The following CNTNAP2 variants were observed in gnomAD, a reference collection of about 807,000 sequenced individuals.
The protein encoded by CNTNAP2 is contactin associated protein 2.
A neutral mutation model predicts 155.2 loss-of-function variants in CNTNAP2; 98 were observed. The observed-to-expected ratio is 0.63, with a 90% CI of 0.54 to 0.75. The LOEUF is 0.75. Among genes scored for constraint, CNTNAP2 ranks in the 30% least tolerant of loss-of-function variants. The probability of loss-of-function intolerance (pLI) is 0.00; values close to 1 mark genes in which losing one functional copy is unlikely to be tolerated. For synonymous variants in CNTNAP2, 651 were observed against 631.2 expected (o/e 1.03, Z -0.47); for missense variants, 1,727 against 1,688.1 (o/e 1.02, Z -0.40).
intron 14 of CNTNAP2, among the ~76,000 whole-genome samples, chr7:147,970,305 C>G (rs906356472): frequency 1.3e-5 from 2 of 152,078 alleles, no homozygotes; most frequent in Non-Finnish European, 2.9e-5. Context: ...TTAGTGTAAG[C>G]CATTAGTAAA....
chr7:146,779,399 G>A (rs1212610744), intron 2 of CNTNAP2, among the ~76,000 whole-genome samples: 6 of 152,096 alleles, frequency 3.9e-5, no homozygotes, highest in African/African-American at 1.4e-4. Flanking sequence ...ACAGGGAGAG[G>A]GACACAAATC....
At chr7:148,257,774 GT>G (rs1277343823) in intron 20 of CNTNAP2, among the ~76,000 whole-genome samples, 2 of 152,168 alleles carry the variant, frequency 1.3e-5, no homozygotes, top group East Asian at 3.9e-4. Flanking sequence ...CATCGATGTG[GT>G]CTGGGAGGAT....
At chr7:147,494,916 CAA>C (rs1798676630) in intron 11 of CNTNAP2, among the ~76,000 whole-genome samples, 1 of 152,086 alleles carries the variant, frequency 6.6e-6, no homozygotes, top group East Asian at 1.9e-4. Flanking sequence ...GTTTCTATGA[CAA>C]GTCTTTAGCT....
At chr7:146,531,217 T>C (rs376474407) in intron 1 of CNTNAP2, among the ~76,000 whole-genome samples, 2 of 152,100 alleles carry the variant, frequency 1.3e-5, no homozygotes, top group African/African-American at 4.8e-5. Context: ...TGGGGGCTAC[T>C]TGAGGATGGA....
chr7:147,862,965 T>C (rs4513896), intron 13 of CNTNAP2, among the ~76,000 whole-genome samples: 90,066 of 151,502 alleles, frequency 0.59, 27,011 homozygotes, highest in Middle Eastern at 0.7. Flanking sequence ...AGTTCTAGGG[T>C]ACATGTTCAC....
intron 11 of CNTNAP2, among the ~76,000 whole-genome samples, chr7:147,545,978 G>T (rs531213718): frequency 6.6e-6 from 1 of 152,074 alleles, no homozygotes; most frequent in Non-Finnish European, 1.5e-5. Flanking sequence ...CTTGCCTGCC[G>T]CCATGTAAGA....
At chr7:147,793,364 T>C (rs914746886) in intron 13 of CNTNAP2, among the ~76,000 whole-genome samples, 1 of 152,224 alleles carries the variant, frequency 6.6e-6, no homozygotes. Context: ...ATTTTGTATA[T>C]GGTGTGAGAT....
intron 19 of CNTNAP2, among the ~76,000 whole-genome samples, chr7:148,223,955 T>G (rs1337312821): frequency 6.6e-6 from 1 of 152,196 alleles, no homozygotes; most frequent in East Asian, 1.9e-4. Flanking sequence ...GGCCTCTGTG[T>G]GTTTGTATCC....
chr7:148,360,984 T>C (rs974449557), intron 21 of CNTNAP2, among the ~76,000 whole-genome samples: 1 of 152,120 alleles, frequency 6.6e-6, no homozygotes, highest in Non-Finnish European at 1.5e-5. Flanking sequence ...AATTTTTGTA[T>C]TTTTAGTAGA....
chr7:146,807,496 A>G (rs534043188), intron 2 of CNTNAP2, among the ~76,000 whole-genome samples: 7 of 152,306 alleles, frequency 4.6e-5, no homozygotes, highest in African/African-American at 1.7e-4. Flanking sequence ...TGAGAAAAAG[A>G]GAGGAACATG....
chr7:146,399,689 A>G (rs1252121966), intron 1 of CNTNAP2, among the ~76,000 whole-genome samples: 1 of 152,150 alleles, frequency 6.6e-6, no homozygotes, highest in Admixed American at 6.6e-5. Context: ...TATACCCAGA[A>G]GTGTGATTGC....
At chr7:147,882,381 T>C (rs1799535845) in intron 13 of CNTNAP2, among the ~76,000 whole-genome samples, 1 of 152,174 alleles carries the variant, frequency 6.6e-6, no homozygotes, top group African/African-American at 2.4e-5. Flanking sequence ...TGTAATATCC[T>C]TGGGAAGGAA....
chr7:146,388,294 G>A (rs577127358), intron 1 of CNTNAP2, among the ~76,000 whole-genome samples: 27 of 151,810 alleles, frequency 1.8e-4, no homozygotes, highest in African/African-American at 6.0e-4. Context: ...AATTAGCTAG[G>A]CATGGTGGTG....
At chr7:146,545,676 A>G (rs998816756) in intron 1 of CNTNAP2, among the ~76,000 whole-genome samples, 14 of 151,822 alleles carry the variant, frequency 9.2e-5, no homozygotes, top group Non-Finnish European at 4.4e-5. Flanking sequence ...AAAAGTCAGG[A>G]AACAACAGAT....
intron 1 of CNTNAP2, among the ~76,000 whole-genome samples, chr7:146,405,927 A>G (rs949572981): frequency 3.3e-5 from 5 of 152,348 alleles, no homozygotes; most frequent in African/African-American, 1.2e-4. Context: ...AGCAAATAAT[A>G]TTTAAAGCAT....
At chr7:146,241,808 T>TTA (rs917069618) in intron 1 of CNTNAP2, among the ~76,000 whole-genome samples, 59 of 151,006 alleles carry the variant, frequency 3.9e-4, no homozygotes, top group African/African-American at 1.4e-3. Context: ...AAATTTGAAA[T>TTA]TATATATATA....
Position 147,211,672 on chromosome 7 carries a change from TA to T in CNTNAP2, c.1348+79166del, listed in dbSNP as rs553806985. Among the ~76,000 whole-genome samples, 648 of 152,186 alleles carry T rather than the reference TA, an allele frequency of 4.3e-3. 4 individuals carry two copies. The highest frequency in any genetic ancestry group is 6.8e-3 in the Non-Finnish European group (465 of 67,970). On this transcript the variant is annotated intron_variant, in intron 8 of 23. Transcript: ENST00000361727. ...GTTAACTAAAGATAGATTAAAGGTT[TA>T]AATGTAAGACCTCAAACTATAAGAA... is the stretch of plus-strand genomic sequence containing the variant.
intron 8 of CNTNAP2, among the ~76,000 whole-genome samples, chr7:147,191,306 A>G (rs943804154): frequency 6.6e-6 from 1 of 152,226 alleles, no homozygotes; most frequent in Non-Finnish European, 1.5e-5. Flanking sequence ...AGGGAGTAAG[A>G]TAAAGACCAG....
Position 147,784,381 on chromosome 7 carries a change from C to CATATATATATAT in CNTNAP2, c.2099-119169_2099-119158dup, listed in dbSNP as rs60221349. ...TTCATAGCCCTCTACAAACTAAAAA[C>CATATATATATAT]ATATATATATATATATATATATATA... On this transcript the variant is annotated intron_variant, in intron 13 of 23. Transcript: ENST00000361727. Among the ~76,000 whole-genome samples, 227 of 99,282 alleles carry CATATATATATAT rather than the reference C, an allele frequency of 2.3e-3. 6 individuals are homozygous for CATATATATATAT. The highest frequency in any genetic ancestry group is 4.8e-3 in the African/African-American group (140 of 29,314). The allele number at this position is 99,282 out of a possible 152,430, so 65.1% of individuals were successfully genotyped here.
Sources: gnomAD v4.1 joint callset for allele counts (sites outside exome capture counted in the v4.1 genomes callset) on GRCh38, gnomAD v4.1.1 for gene constraint, MANE v1.5 for transcripts, NCBI Gene and HGNC (gene_info 2026-07-23, HGNC 2026-07-21) for gene names.